Variants in PDK1 observed in about 807,000 individuals in gnomAD.
The protein encoded by PDK1 is [Pyruvate dehydrogenase (acetyl-transferring)] kinase isozyme 1, mitochondrial.
Under a neutral mutation model 54.2 loss-of-function variants are expected in PDK1, and 39 were observed. The observed-to-expected ratio is 0.72, with a 90% CI of 0.56 to 0.94. The LOEUF (loss-of-function observed/expected upper bound fraction) is 0.94. Ranked by LOEUF, PDK1 falls within the 40% of genes least tolerant of loss-of-function variation. PDK1 has a pLI of 0.00. For missense variants in PDK1, 552 were observed against 566.0 expected (o/e 0.98, Z 0.25); for synonymous variants, 221 against 207.1 (o/e 1.07, Z -0.58).
At chr2:172,629,250 A>G in the PDK1 span, among the ~76,000 whole-genome samples, 1 of 152,200 alleles carries the variant, frequency 6.6e-6, no homozygotes, top group Non-Finnish European at 1.5e-5. Flanking sequence ...GCCTAGACCC[A>G]TGGCCCAAAG....
the PDK1 span, among the ~76,000 whole-genome samples, chr2:172,642,937 C>G: frequency 4.6e-5 from 7 of 152,030 alleles, no homozygotes; most frequent in Non-Finnish European, 1.0e-4. Context: ...TTCTTCTTCT[C>G]TGGTGAGAGT....
At chr2:172,556,454 CCCT>C in intron 1 of PDK1, 108 bp downstream of exon 1, 2 of 738,234 alleles carry the variant, frequency 2.7e-6, no homozygotes, top group South Asian at 3.2e-5. Context: ...TGAGGCGCAC[CCCT>C]CCTCCTCAGC....
At chr2:172,697,816 G>C in the PDK1 span, among the ~76,000 whole-genome samples, 1 of 152,158 alleles carries the variant, frequency 6.6e-6, no homozygotes, top group Non-Finnish European at 1.5e-5. Context: ...GCTGAACTGT[G>C]TATCTCATTT....
chr2:172,691,754 T>G, the PDK1 span, among the ~76,000 whole-genome samples: 4 of 152,254 alleles, frequency 2.6e-5, no homozygotes, highest in African/African-American at 9.6e-5. Flanking sequence ...GGCTCATTTC[T>G]CTTTAGCACT....
the PDK1 span, among the ~76,000 whole-genome samples, chr2:172,614,539 A>T: frequency 2.0e-5 from 3 of 152,220 alleles, no homozygotes; most frequent in African/African-American, 7.2e-5. Context: ...AGCAGAGAGG[A>T]GCTGCCGTCT....
At chr2:172,626,678 C>T in the PDK1 span, among the ~76,000 whole-genome samples, 1 of 151,916 alleles carries the variant, frequency 6.6e-6, no homozygotes. Context: ...CCTGTAGTCC[C>T]AGCTTCTCAG....
the PDK1 span, among the ~76,000 whole-genome samples, chr2:172,635,267 C>T: frequency 6.6e-6 from 1 of 152,038 alleles, no homozygotes; most frequent in South Asian, 2.1e-4. Context: ...TTCTTAGATT[C>T]TGTATTTGTC....
the PDK1 span, among the ~76,000 whole-genome samples, chr2:172,658,494 C>A: frequency 6.6e-6 from 1 of 152,052 alleles, no homozygotes; most frequent in African/African-American, 2.4e-5. Flanking sequence ...TGAAAAAGAA[C>A]AGAATAACAG....
At chr2:172,692,717 A>G in the PDK1 span, among the ~76,000 whole-genome samples, 1 of 152,198 alleles carries the variant, frequency 6.6e-6, no homozygotes, top group African/African-American at 2.4e-5. Context: ...GGATCTTGCC[A>G]TGAGGTGATG....
the PDK1 span, among the ~76,000 whole-genome samples, chr2:172,713,406 G>A: frequency 3.0e-4 from 45 of 152,322 alleles, no homozygotes; most frequent in Admixed American, 2.7e-3. Context: ...TCTGCCCCCT[G>A]CCACTGTTCA....
the PDK1 span, among the ~76,000 whole-genome samples, chr2:172,672,962 C>T: frequency 6.6e-6 from 1 of 152,180 alleles, no homozygotes; most frequent in African/African-American, 2.4e-5. Flanking sequence ...AGCCTCAATT[C>T]CTGCCTCCTC....
chr2:172,562,357 C>T, intron 3 of PDK1, 66 bp downstream of exon 3: 2 of 967,324 alleles, frequency 2.1e-6, no homozygotes, highest in Non-Finnish European at 3.3e-6. Context: ...AATTGGTTAA[C>T]TTTTAGGTTT....
the PDK1 span, among the ~76,000 whole-genome samples, chr2:172,625,795 C>T: frequency 4.6e-5 from 7 of 152,054 alleles, no homozygotes; most frequent in Admixed American, 2.0e-4. Context: ...CCCAGGGCCT[C>T]GAACAATGCC....
intron 8 of PDK1, among the ~76,000 whole-genome samples, chr2:172,573,376 T>A (rs1288026151): frequency 6.6e-6 from 1 of 152,148 alleles, no homozygotes; most frequent in Non-Finnish European, 1.5e-5. Flanking sequence ...ATCGGCCATT[T>A]GTGTATCTTT....
the PDK1 span, among the ~76,000 whole-genome samples, chr2:172,688,359 C>G: frequency 2.0e-5 from 3 of 150,636 alleles, no homozygotes; most frequent in African/African-American, 4.8e-5. Flanking sequence ...GTGTGGGATC[C>G]CAGAGCACCA....
intron 9 of PDK1, among the ~76,000 whole-genome samples, chr2:172,591,959 T>C (rs1040889903): frequency 6.6e-6 from 1 of 152,250 alleles, no homozygotes; most frequent in Non-Finnish European, 1.5e-5. Flanking sequence ...AATAGTTTCC[T>C]TATTACTTAC....
intron 8 of PDK1, among the ~76,000 whole-genome samples, chr2:172,584,838 T>C (rs1276827208): frequency 2.0e-5 from 3 of 148,886 alleles, no homozygotes; most frequent in Non-Finnish European, 4.5e-5. Context: ...AAGTTTTTTT[T>C]TTTTTTTTTT....
At chr2:172,589,531 C>T (rs1286094652) in intron 9 of PDK1, among the ~76,000 whole-genome samples, 2 of 152,194 alleles carry the variant, frequency 1.3e-5, no homozygotes, top group Non-Finnish European at 1.5e-5. Context: ...TGAACTCCTG[C>T]TGGGTTTTCC....
At chr2:172,631,973 C>T in the PDK1 span, among the ~76,000 whole-genome samples, 1 of 152,080 alleles carries the variant, frequency 6.6e-6, no homozygotes, top group East Asian at 1.9e-4. Context: ...GTATTCAGGT[C>T]TCTTAAAAAC....
Sources: allele counts gnomAD v4.1 joint callset (sites outside exome capture counted in the v4.1 genomes callset), GRCh38; gene constraint gnomAD v4.1.1; transcripts MANE v1.5; gene names NCBI Gene and HGNC (gene_info 2026-07-23, HGNC 2026-07-21).